CACNA1C: variants seen among roughly 807,000 people sequenced by gnomAD.
CACNA1C encodes the protein calcium voltage-gated channel subunit alpha1 C, also known as voltage-dependent L-type calcium channel subunit alpha-1C.
A neutral mutation model predicts 229.0 loss-of-function variants in CACNA1C; 30 were observed. The ratio of observed to expected loss-of-function variants is 0.13; its 90% CI spans 0.10 to 0.18. CACNA1C has a LOEUF of 0.18. Ranked by LOEUF, CACNA1C falls within the 10% of genes least tolerant of loss-of-function variation. The pLI, the probability that CACNA1C is intolerant of heterozygous loss-of-function variation, is 1.00. For missense variants in CACNA1C, 1,658 were observed against 2,845.0 expected (o/e 0.58, Z 9.49); for synonymous variants, 1,114 against 1,132.5 (o/e 0.98, Z 0.33).
rs1265618357 is a variant in CACNA1C at position 2,067,622 on chromosome 12, T to A, written c.49+14011T>A. Among the ~76,000 whole-genome samples the A allele has an allele frequency of 6.6e-6, 1 of 152,084 alleles. No homozygotes were observed. ...GTGGTGTGCAGCCCTGAGGTCACGTTTGTGACGTGGATGGAAGGAAGCAGG... is the reference window on the plus strand; with the variant it reads ...GTGGTGTGCAGCCCTGAGGTCACGTATGTGACGTGGATGGAAGGAAGCAGG... On this transcript the variant is annotated intron_variant, in intron 1 of 46. Coordinates refer to ENST00000399655, the MANE Select transcript of CACNA1C (RefSeq NM_000719.7). The surrounding 1 kb of genome is among the most constrained non-coding windows in gnomAD (Gnocchi z 5.3).
intron 7 of CACNA1C, among the ~76,000 whole-genome samples, chr12:2,501,209 CAAAAAAAA>C (rs59324696): frequency 2.2e-4 from 7 of 31,386 alleles, no homozygotes; most frequent in South Asian, 1.4e-3. Flanking sequence ...GACTCCACCT[CAAAAAAAA>C]AAAAAAAAAA....
chr12:2,306,894 T>G (rs1311942020), intron 3 of CACNA1C, among the ~76,000 whole-genome samples: 1 of 152,230 alleles, frequency 6.6e-6, no homozygotes, highest in Non-Finnish European at 1.5e-5. Flanking sequence ...CTGTTTGCAC[T>G]GCCAGTGGCT....
intron 3 of CACNA1C, among the ~76,000 whole-genome samples, chr12:2,412,949 T>G (rs145784740): frequency 6.6e-6 from 1 of 152,160 alleles, no homozygotes. Flanking sequence ...TAAGTAAAAT[T>G]TATGATATAA....
At chr12:2,265,316 G>T (rs764038210) in intron 3 of CACNA1C, among the ~76,000 whole-genome samples, 2 of 152,202 alleles carry the variant, frequency 1.3e-5, no homozygotes, top group Non-Finnish European at 2.9e-5. Context: ...ACAGCACACG[G>T]GAGCATTTGT....
intron 8 of CACNA1C, among the ~76,000 whole-genome samples, chr12:2,511,753 C>A (rs186278549): frequency 6.6e-6 from 1 of 152,132 alleles, no homozygotes; most frequent in Non-Finnish European, 1.5e-5. Context: ...CCAGCCTCCT[C>A]CTTGCTCAGA....
chr12:2,213,355 G>A (rs2097991674), intron 3 of CACNA1C, among the ~76,000 whole-genome samples: 1 of 152,014 alleles, frequency 6.6e-6, no homozygotes, highest in Non-Finnish European at 1.5e-5. Flanking sequence ...CTATCTTCGG[G>A]TACTATTTTC....
At chr12:2,142,729 T>C (rs2094368204) in intron 3 of CACNA1C, among the ~76,000 whole-genome samples, 1 of 151,268 alleles carries the variant, frequency 6.6e-6, no homozygotes. Flanking sequence ...CCTAGGCTAA[T>C]GTGGACATTT....
chr12:2,173,735 A>G (rs1258392115), intron 3 of CACNA1C, among the ~76,000 whole-genome samples: 3 of 152,000 alleles, frequency 2.0e-5, no homozygotes, highest in Admixed American at 1.3e-4. Flanking sequence ...CACCACCACT[A>G]GGCTTGCTCC....
chr12:2,272,176 G>C (rs1041227908), intron 3 of CACNA1C, among the ~76,000 whole-genome samples: 1 of 152,146 alleles, frequency 6.6e-6, no homozygotes, highest in Non-Finnish European at 1.5e-5. Context: ...ACAATCTGCT[G>C]TCTGGCTGTG....
chr12:2,084,764 G>C (rs779319178), intron 1 of CACNA1C, among the ~76,000 whole-genome samples: 1 of 152,190 alleles, frequency 6.6e-6, no homozygotes, highest in Non-Finnish European at 1.5e-5. Flanking sequence ...CTCATATTGA[G>C]TCGTAGCCTA....
chr12:2,225,970 C>T (rs1420560273), intron 3 of CACNA1C, among the ~76,000 whole-genome samples: 2 of 152,094 alleles, frequency 1.3e-5, no homozygotes, highest in East Asian at 3.9e-4. Flanking sequence ...ATCAGTTACA[C>T]ACTTTGAAAG....
intron 39 of CACNA1C, 142 bp downstream of exon 39, chr12:2,674,784 G>T: frequency 1.2e-6 from 1 of 803,348 alleles, no homozygotes; most frequent in Admixed American, 2.8e-5. Context: ...CTTGCTGGAG[G>T]TCTGCCTTCA....
chr12:2,685,393 G>A (rs558386494), intron 43 of CACNA1C, among the ~76,000 whole-genome samples: 30 of 151,242 alleles, frequency 2.0e-4, no homozygotes, highest in African/African-American at 6.3e-4. Flanking sequence ...ATGCAAACAC[G>A]GGAGCCAAGG....
At position 2,410,194 on chromosome 12, in the gene CACNA1C, C is replaced by T. The variant is rs1371534871; in HGVS notation, c.478-38782C>T. ...GCCAGAGGGACAGGGTCCTTCCCCG[C>T]AGCACTGAGGCTTGGCCAGTCGTGA... On this transcript the variant is annotated intron_variant, in intron 3 of 46. Coordinates refer to ENST00000399655, the MANE Select transcript of CACNA1C (RefSeq NM_000719.7). The surrounding 1 kb of genome is among the most constrained non-coding windows in gnomAD (Gnocchi z 5.3). Among the ~76,000 whole-genome samples, 1 of 152,238 alleles carries T rather than the reference C, an allele frequency of 6.6e-6. No individual in the cohort carries two copies. The highest frequency in any genetic ancestry group is 2.4e-5 in the African/African-American group (1 of 41,472).
intron 3 of CACNA1C, among the ~76,000 whole-genome samples, chr12:2,167,039 T>C (rs927127140): frequency 6.6e-6 from 1 of 152,256 alleles, no homozygotes; most frequent in African/African-American, 2.4e-5. Flanking sequence ...TTTATCAGTC[T>C]CAGTTTCTTC....
At chr12:2,091,203 G>A (rs1388706980) in intron 1 of CACNA1C, among the ~76,000 whole-genome samples, 1 of 152,102 alleles carries the variant, frequency 6.6e-6, no homozygotes, top group Non-Finnish European at 1.5e-5. Context: ...AAAAGTATGC[G>A]GGTTACTTGT....
At chr12:2,236,189 G>T (rs1303125916) in intron 3 of CACNA1C, among the ~76,000 whole-genome samples, 1 of 152,186 alleles carries the variant, frequency 6.6e-6, no homozygotes, top group Non-Finnish European at 1.5e-5. Flanking sequence ...AGGTTTGAAT[G>T]TGCCCAAGAG....
At chr12:2,111,754 T>C (rs779996770) in intron 1 of CACNA1C, among the ~76,000 whole-genome samples, 2 of 152,084 alleles carry the variant, frequency 1.3e-5, no homozygotes, top group Admixed American at 1.3e-4. Context: ...ATACCACAGA[T>C]TGAATGGAGC....
intron 3 of CACNA1C, among the ~76,000 whole-genome samples, chr12:2,268,352 C>T (rs914012100): frequency 5.3e-5 from 8 of 152,332 alleles, no homozygotes; most frequent in Admixed American, 1.3e-4. Flanking sequence ...TGTTTTGAAC[C>T]ACACGGGGCT....
Sources: allele counts gnomAD v4.1 joint callset (sites outside exome capture counted in the v4.1 genomes callset), GRCh38; gene constraint gnomAD v4.1.1; non-coding constraint Gnocchi (gnomAD v3.1); transcripts MANE v1.5; gene names NCBI Gene and HGNC (gene_info 2026-07-23, HGNC 2026-07-21).